Variants in LRIF1 observed in about 807,000 individuals in gnomAD.
LRIF1 encodes ligand-dependent nuclear receptor-interacting factor 1.
A neutral mutation model predicts 52.7 loss-of-function variants in LRIF1; 32 were observed. The ratio of observed to expected loss-of-function variants is 0.61; its 90% CI spans 0.46 to 0.82. The LOEUF is 0.82. Ranked by LOEUF, LRIF1 falls within the 40% of genes least tolerant of loss-of-function variation. The probability of loss-of-function intolerance (pLI) is 0.00; values close to 1 mark genes in which losing one functional copy is unlikely to be tolerated. For missense variants in LRIF1, 887 were observed against 892.0 expected (o/e 0.99, Z 0.07); for synonymous variants, 323 against 317.4 (o/e 1.02, Z -0.19).
chr1:110,896,793 G>A, the LRIF1 span: 40 of 1,423,082 alleles, frequency 2.8e-5, 1 homozygote, highest in South Asian at 2.6e-4. Flanking sequence ...TAATTACCTC[G>A]GAAACTGCAG....
chr1:110,879,465 A>G, the LRIF1 span, among the ~76,000 whole-genome samples: 2 of 152,202 alleles, frequency 1.3e-5, no homozygotes, highest in Admixed American at 6.5e-5. Flanking sequence ...TTAATAAGTG[A>G]TCTGCAACAT....
the LRIF1 span, among the ~76,000 whole-genome samples, chr1:110,913,670 G>A: frequency 6.6e-6 from 1 of 152,146 alleles, no homozygotes; most frequent in East Asian, 1.9e-4. Context: ...TAGAGAAAAG[G>A]GAACACTTAG....
chr1:110,963,759 G>T lies in LRIF1; in HGVS notation c.-71C>A. 2 of 1,238,738 alleles carry T rather than the reference G, an allele frequency of 1.6e-6. No individual in the cohort carries two copies. The allele number at this position is 1,238,738 out of a possible 1,614,324, so 76.7% of individuals were successfully genotyped here. A position where few individuals can be genotyped will look rare whatever the true frequency, so the allele number is the denominator to read the frequency against. On this transcript the variant is annotated 5_prime_UTR_variant, in exon 1 of 4. Transcript: ENST00000369763. Reference sequence around the variant, plus strand: ...GTGGGGCCGAGTTTCCCAATGGGGCGAGAACCAGAGCGAGGGAATGTTGGG... The same window carrying T: ...GTGGGGCCGAGTTTCCCAATGGGGCTAGAACCAGAGCGAGGGAATGTTGGG...
At chr1:110,943,424 T>C (rs1191530382), downstream of LRIF1, 1 of 151,996 alleles carries the variant, frequency 6.6e-6, no homozygotes, top group Non-Finnish European at 1.5e-5. Context: ...AAAGCTTTAA[T>C]AAGGAGCAGA....
chr1:110,959,135 TTAAAG>T (rs975659620), intron 1 of LRIF1, among the ~76,000 whole-genome samples: 32 of 152,326 alleles, frequency 2.1e-4, no homozygotes, highest in African/African-American at 7.5e-4. Flanking sequence ...CCTAATTACT[TTAAAG>T]TAATTACTTT....
the LRIF1 span, among the ~76,000 whole-genome samples, chr1:110,904,372 T>C: frequency 3.3e-5 from 5 of 152,246 alleles, no homozygotes; most frequent in Non-Finnish European, 7.4e-5. Context: ...GTCATAGTGG[T>C]GGTCATAGAG....
At chr1:110,890,595 G>A in the LRIF1 span, among the ~76,000 whole-genome samples, 1 of 151,854 alleles carries the variant, frequency 6.6e-6, no homozygotes, top group South Asian at 2.1e-4. Flanking sequence ...GAAAGAGAAA[G>A]AGAAAGGAAA....
downstream of LRIF1, among the ~76,000 whole-genome samples, chr1:110,946,651 C>CTTTTTT (rs1197301792): frequency 8.7e-5 from 7 of 80,872 alleles, no homozygotes; most frequent in African/African-American, 2.5e-4. Context: ...AGATTTGATC[C>CTTTTTT]TTTTTTTTTT....
the LRIF1 span, among the ~76,000 whole-genome samples, chr1:110,887,615 T>G: frequency 5.9e-5 from 9 of 152,216 alleles, no homozygotes; most frequent in African/African-American, 2.2e-4. Flanking sequence ...CCCTTACTCT[T>G]AAGATTTGTT....
In LRIF1 at chr1:110,963,859, C is replaced by T; in HGVS notation, c.-171G>A. 2 of 506,492 alleles carry T rather than the reference C, an allele frequency of 3.9e-6. No individual in the cohort carries two copies. Among genetic ancestry groups the T allele is most frequent in the South Asian group, 2.5e-5 (1 of 39,628 alleles). The allele number at this position is 506,492 out of a possible 1,614,324, so 31.4% of individuals were successfully genotyped here. ...ACAGCGGGCTCTCGAGAGGGTGTAT[C>T]CCCAGGCTTCGGGACGAGGTCGCGC... On this transcript the variant is annotated 5_prime_UTR_variant, in exon 1 of 4. Transcript: ENST00000369763.
At chr1:110,897,960 T>C in the LRIF1 span, 2 of 831,920 alleles carry the variant, frequency 2.4e-6, no homozygotes. Context: ...TTCAGAATAA[T>C]ACCAGGTACA....
At chr1:110,963,365 C>A in intron 1 of LRIF1, 1 of 305,304 alleles carries the variant, frequency 3.3e-6, no homozygotes, top group South Asian at 7.4e-5. Context: ...GAGATCTACT[C>A]GGTCCGCCTA....
chr1:110,905,886 A>G, the LRIF1 span, among the ~76,000 whole-genome samples: 4 of 152,236 alleles, frequency 2.6e-5, no homozygotes, highest in Admixed American at 2.6e-4. Context: ...GTTAAAGAGC[A>G]GAAGGATGAA....
At chr1:110,917,632 T>G in the LRIF1 span, among the ~76,000 whole-genome samples, 1 of 99,938 alleles carries the variant, frequency 1.0e-5, no homozygotes, top group Admixed American at 1.1e-4. Flanking sequence ...CTTATTTTTT[T>G]TGTTTTTTTG....
At chr1:110,886,144 A>AT in the LRIF1 span, among the ~76,000 whole-genome samples, 2 of 151,684 alleles carry the variant, frequency 1.3e-5, no homozygotes, top group Non-Finnish European at 2.9e-5. Flanking sequence ...TAGTATGACA[A>AT]TTTTTTTTCT....
At chr1:110,891,486 T>C in the LRIF1 span, 1 of 1,605,202 alleles carries the variant, frequency 6.2e-7, no homozygotes, top group East Asian at 2.2e-5. Context: ...GTGTATCTCT[T>C]CTGAGCACGG....
In LRIF1 at chr1:110,952,314, A is replaced by G. The variant is rs1658517226; in HGVS notation, c.570T>C (p.His190=). 1 of 1,614,016 alleles carries G rather than the reference A, an allele frequency of 6.2e-7. No individual in the cohort carries two copies. Among genetic ancestry groups the G allele is most frequent in the African/African-American group, 1.3e-5 (1 of 74,930 alleles). ...ACGCTGGTACAGATTTCACTTCAGC[A>G]TGGGCTGGAATCTGTAAATGATGCC... ...PSGHHLQIPA[H]AEVKSVPASS... The change falls in exon 2 of 4, where the codon CAT becomes CAC. Residue 190 remains histidine (H), a synonymous_variant. Transcript: ENST00000369763.
At chr1:110,883,437 G>A in the LRIF1 span, among the ~76,000 whole-genome samples, 20 of 151,808 alleles carry the variant, frequency 1.3e-4, no homozygotes, top group African/African-American at 1.9e-4. Context: ...GTTCTATATC[G>A]TTAGATGCTT....
intron 1 of LRIF1, among the ~76,000 whole-genome samples, chr1:110,954,325 G>A (rs971456069): frequency 6.6e-6 from 1 of 152,094 alleles, no homozygotes; most frequent in African/African-American, 2.4e-5. Flanking sequence ...CTGTCATCCA[G>A]ACTGGAGTGT....
Sources: allele counts gnomAD v4.1 joint callset (sites outside exome capture counted in the v4.1 genomes callset), GRCh38; gene constraint gnomAD v4.1.1; transcripts MANE v1.5; gene names NCBI Gene and HGNC (gene_info 2026-07-23, HGNC 2026-07-21).